The following UBE2G1 variants were observed in gnomAD, a reference collection of about 807,000 sequenced individuals.
UBE2G1 encodes ubiquitin-conjugating enzyme E2 G1.
In UBE2G1, 5 loss-of-function variants were observed where a neutral mutation model predicts 22.7. The observed-to-expected ratio is 0.22, with a 90% CI of 0.12 to 0.46. The LOEUF is 0.46. Among genes scored for constraint, UBE2G1 ranks in the 20% least tolerant of loss-of-function variants. The pLI, the probability that UBE2G1 is intolerant of heterozygous loss-of-function variation, is 0.99. For missense variants in UBE2G1, 88 were observed against 203.9 expected (o/e 0.43, Z 3.46); for synonymous variants, 74 against 67.5 (o/e 1.10, Z -0.47).
intron 2 of UBE2G1, among the ~76,000 whole-genome samples, chr17:4,299,588 T>C (rs574319791): frequency 1.3e-5 from 2 of 152,306 alleles, no homozygotes; most frequent in South Asian, 4.1e-4. Context: ...GGAATCCTCA[T>C]CATGAAAAAC....
At chr17:4,317,887 A>G (rs1969394830) in intron 1 of UBE2G1, among the ~76,000 whole-genome samples, 1 of 152,234 alleles carries the variant, frequency 6.6e-6, no homozygotes, top group Admixed American at 6.5e-5. Flanking sequence ...TACCGAAATT[A>G]TGCCCTAACA....
intron 4 of UBE2G1, among the ~76,000 whole-genome samples, chr17:4,283,991 A>T (rs2006746): frequency 1.2e-3 from 175 of 152,040 alleles, no homozygotes; most frequent in South Asian, 3.5e-3. Flanking sequence ...CCCCATCTCA[A>T]CTAAAAGATA....
At chr17:4,311,066 G>A (rs7219792) in intron 1 of UBE2G1, among the ~76,000 whole-genome samples, 149,659 of 152,070 alleles carry the variant, frequency 0.98, 73,680 homozygotes, top group East Asian at 1. Flanking sequence ...AGAAACAAAA[G>A]AGTACAAAAA....
At chr17:4,297,137 G>A (rs573185872) in intron 2 of UBE2G1, among the ~76,000 whole-genome samples, 1 of 152,262 alleles carries the variant, frequency 6.6e-6, no homozygotes, top group African/African-American at 2.4e-5. Context: ...ACAAAATTCA[G>A]AAGGTTTAAC....
intron 1 of UBE2G1, among the ~76,000 whole-genome samples, chr17:4,330,004 A>G (rs887447929): frequency 6.6e-6 from 1 of 152,166 alleles, no homozygotes; most frequent in Non-Finnish European, 1.5e-5. Context: ...CTTTGAGTGG[A>G]AAGACTAGCT....
rs529348465 is a variant in UBE2G1, at chr17:4,312,254, A to G, written c.47-5131T>C. On this transcript the variant is annotated intron_variant, in intron 1 of 5. Coordinates refer to ENST00000396981, the MANE Select transcript of UBE2G1 (RefSeq NM_003342.5). ...ACTCAAAAAAAAGAAAGAAAAAAAA[A>G]TCTGAGCTGACGATAGAGACTTCAG... 7.5e-4 allele frequency among the ~76,000 whole-genome samples: 114 copies of G among 152,050 alleles called. 1 individual carries two copies. In the Middle Eastern group the frequency reaches 0.017, roughly 23 times the overall value.
chr17:4,317,411 C>G (rs1294131643), intron 1 of UBE2G1, among the ~76,000 whole-genome samples: 1 of 151,940 alleles, frequency 6.6e-6, no homozygotes, highest in Non-Finnish European at 1.5e-5. Flanking sequence ...CCCAGTTACT[C>G]GGAAGGCTGA....
intron 1 of UBE2G1, among the ~76,000 whole-genome samples, chr17:4,342,942 G>T (rs1969728258): frequency 6.6e-6 from 1 of 152,016 alleles, no homozygotes; most frequent in African/African-American, 2.4e-5. Flanking sequence ...TTCTTCTCTT[G>T]GCCTGGAAAG....
chr17:4,344,848 C>T (rs927686469), intron 1 of UBE2G1, among the ~76,000 whole-genome samples: 1 of 152,068 alleles, frequency 6.6e-6, no homozygotes, highest in East Asian at 1.9e-4. Context: ...GCTACAGAGA[C>T]TCTGTCCCTA....
At chr17:4,276,188 G>GC (rs1442652707) in intron 5 of UBE2G1, among the ~76,000 whole-genome samples, 9 of 151,710 alleles carry the variant, frequency 5.9e-5, no homozygotes, top group Non-Finnish European at 7.4e-5. Flanking sequence ...TCCCACTGAA[G>GC]CCCCCCCGCC....
At chr17:4,309,505 ATTTT>A (rs1567520293) in intron 1 of UBE2G1, among the ~76,000 whole-genome samples, 1 of 152,244 alleles carries the variant, frequency 6.6e-6, no homozygotes, top group African/African-American at 2.4e-5. Context: ...TTTCACTGTT[ATTTT>A]GTTTATGCAC....
chr17:4,347,873 CAT>C (rs1206492787), intron 1 of UBE2G1, among the ~76,000 whole-genome samples: 4 of 152,140 alleles, frequency 2.6e-5, no homozygotes, highest in African/African-American at 4.8e-5. Flanking sequence ...GAATTGTGCC[CAT>C]ATGAGAAAGC....
At chr17:4,284,838 CTTTT>C (rs1176508350) in intron 4 of UBE2G1, among the ~76,000 whole-genome samples, 1 of 22,318 alleles carries the variant, frequency 4.5e-5, no homozygotes, top group Admixed American at 6.6e-4. Flanking sequence ...TCTTTTCTTT[CTTTT>C]TTTTTTTTTT....
intron 1 of UBE2G1, among the ~76,000 whole-genome samples, chr17:4,328,932 A>G (rs530703743): frequency 6.6e-6 from 1 of 151,866 alleles, no homozygotes; most frequent in African/African-American, 2.4e-5. Flanking sequence ...TAAAAATACA[A>G]AGAATTAGCC....
chr17:4,345,426 C>T (rs1402836649), intron 1 of UBE2G1, among the ~76,000 whole-genome samples: 2 of 152,174 alleles, frequency 1.3e-5, no homozygotes, highest in Non-Finnish European at 1.5e-5. Flanking sequence ...ATATAATTTA[C>T]TCTGAAAGGC....
At chr17:4,289,058 G>A (rs143912496) in intron 4 of UBE2G1, among the ~76,000 whole-genome samples, 172 bp downstream of exon 4, 314 of 151,078 alleles carry the variant, frequency 2.1e-3, no homozygotes, top group African/African-American at 7.1e-3. Context: ...AAATAAATAC[G>A]TAAATAAATA....
chr17:4,328,784 A>G (rs1969530191), intron 1 of UBE2G1, among the ~76,000 whole-genome samples: 1 of 152,208 alleles, frequency 6.6e-6, no homozygotes, highest in Non-Finnish European at 1.5e-5. Context: ...TCTGTGCTGC[A>G]CTAACAACAT....
chr17:4,284,824 CTTTTCTTTTCTTTCTTTT>C (rs1567514893), intron 4 of UBE2G1, among the ~76,000 whole-genome samples: 10 of 85,608 alleles, frequency 1.2e-4, no homozygotes, highest in African/African-American at 3.3e-4. Context: ...TTTTTCTTTT[CTTTTCTTTTCTTTCTTTT>C]TTTTTTTTTT....
At chr17:4,327,175 A>G (rs1567524160) in intron 1 of UBE2G1, among the ~76,000 whole-genome samples, 1 of 139,062 alleles carries the variant, frequency 7.2e-6, no homozygotes, top group Non-Finnish European at 1.5e-5. Context: ...CATGCCTGTT[A>G]ATCCCAGCTA....
Sources: allele counts gnomAD v4.1 joint callset (sites outside exome capture counted in the v4.1 genomes callset), GRCh38; gene constraint gnomAD v4.1.1; transcripts MANE v1.5; gene names NCBI Gene and HGNC (gene_info 2026-07-23, HGNC 2026-07-21).